Variants in KCNIP1 observed in about 807,000 individuals in gnomAD.
KCNIP1 encodes potassium voltage-gated channel interacting protein 1, also known as A-type potassium channel modulatory protein KCNIP1.
In KCNIP1, 18 loss-of-function variants were observed where a neutral mutation model predicts 33.0. The observed-to-expected ratio is 0.55, with a 90% CI of 0.38 to 0.81. The LOEUF (loss-of-function observed/expected upper bound fraction) is 0.81. Among genes scored for constraint, KCNIP1 ranks in the 30% least tolerant of loss-of-function variants. The pLI is 0.00. For synonymous variants in KCNIP1, 93 were observed against 98.3 expected, an observed-to-expected ratio of 0.95 and a Z score of 0.32; for missense variants, 238 against 271.6, an observed-to-expected ratio of 0.88 and a Z score of 0.87.
intron 1 of KCNIP1, among the ~76,000 whole-genome samples, chr5:170,664,744 A>G (rs911384182): frequency 6.6e-6 from 1 of 152,206 alleles, no homozygotes; most frequent in Admixed American, 6.5e-5. Flanking sequence ...AAAGACAAAC[A>G]AACAGTTAAA....
intron 1 of KCNIP1, chr5:170,678,947 C>T (rs1762236948): frequency 6.6e-6 from 1 of 152,184 alleles, no homozygotes; most frequent in Non-Finnish European, 1.5e-5. Flanking sequence ...GGAAGTCTTC[C>T]TGCTTCTAAT....
rs541094523 is a variant in KCNIP1, at chr5:170,641,802, T to G, written c.62-76956T>G. Among the ~76,000 whole-genome samples, 7 of 152,248 alleles carry G rather than the reference T, an allele frequency of 4.6e-5. No individual in the cohort carries two copies. The South Asian group carries it at 1.5e-3, about 32-fold the overall frequency. On this transcript the variant is annotated intron_variant, in intron 1 of 7. Transcript: ENST00000328939. ...CTTCAAAGAGCTGCTCCTGGCAGCT[T>G]CGAATGGCTGAGACCTACTGGCATG...
At chr5:170,637,264 C>T (rs924071857) in intron 1 of KCNIP1, among the ~76,000 whole-genome samples, 1 of 152,092 alleles carries the variant, frequency 6.6e-6, no homozygotes, top group Non-Finnish European at 1.5e-5. Flanking sequence ...TCCCCCTTCT[C>T]CTCAGACCCC....
At chr5:170,407,158 G>A (rs1268900505) in intron 1 of KCNIP1, among the ~76,000 whole-genome samples, 6 of 152,192 alleles carry the variant, frequency 3.9e-5, no homozygotes, top group Non-Finnish European at 7.3e-5. Context: ...TCCACACCAC[G>A]GACCAGCTAA....
chr5:170,462,754 GAT>G (rs370183547), intron 1 of KCNIP1, among the ~76,000 whole-genome samples: 4 of 150,200 alleles, frequency 2.7e-5, no homozygotes, highest in Non-Finnish European at 4.5e-5. Flanking sequence ...GCAACGAGTG[GAT>G]ATATATATAT....
chr5:170,640,361 A>G (rs1760493294), intron 1 of KCNIP1, among the ~76,000 whole-genome samples: 1 of 152,194 alleles, frequency 6.6e-6, no homozygotes, highest in Non-Finnish European at 1.5e-5. Context: ...CCCGTGCTAG[A>G]AAGACATCAG....
At chr5:170,380,769 C>T (rs979409503) in intron 1 of KCNIP1, among the ~76,000 whole-genome samples, 3 of 152,210 alleles carry the variant, frequency 2.0e-5, no homozygotes, top group Non-Finnish European at 2.9e-5. Context: ...CCTTGGCTAA[C>T]CTAGCTCCTT....
upstream of KCNIP1, among the ~76,000 whole-genome samples, chr5:170,500,138 C>T (rs563597024): frequency 6.6e-6 from 1 of 152,282 alleles, no homozygotes; most frequent in African/African-American, 2.4e-5. Context: ...CCTGTGTGCT[C>T]ACATGGTATC....
intron 1 of KCNIP1, among the ~76,000 whole-genome samples, chr5:170,673,796 G>T (rs78601570): frequency 0.017 from 2,549 of 152,158 alleles, 24 homozygotes; most frequent in Middle Eastern, 0.054. Context: ...CTATACCCTT[G>T]TCCAAGTTAC....
chr5:170,653,010 A>G (rs1313709114), intron 1 of KCNIP1, among the ~76,000 whole-genome samples: 1 of 151,896 alleles, frequency 6.6e-6, no homozygotes, highest in Non-Finnish European at 1.5e-5. Flanking sequence ...TTCACTCTTC[A>G]TTTTTCTTGT....
chr5:170,694,466 A>G (rs1468400025), intron 1 of KCNIP1, among the ~76,000 whole-genome samples: 1 of 152,142 alleles, frequency 6.6e-6, no homozygotes, highest in East Asian at 1.9e-4. Flanking sequence ...AGAGACTGAA[A>G]TGAGGAGATG....
chr5:170,527,238 A>G (rs966589698), intron 1 of KCNIP1, among the ~76,000 whole-genome samples: 10 of 152,168 alleles, frequency 6.6e-5, no homozygotes, highest in African/African-American at 2.4e-4. Flanking sequence ...GGTCTGACAC[A>G]TGGCAGAAGT....
chr5:170,363,055 G>A (rs7706818), intron 1 of KCNIP1, among the ~76,000 whole-genome samples: 4,094 of 152,276 alleles, frequency 0.027, 88 homozygotes, highest in African/African-American at 0.055. Flanking sequence ...AAGGGCCATC[G>A]CCATCCTCTG....
intron 1 of KCNIP1, among the ~76,000 whole-genome samples, chr5:170,641,412 T>C (rs1236073521): frequency 6.6e-6 from 1 of 152,242 alleles, no homozygotes; most frequent in Non-Finnish European, 1.5e-5. Context: ...GAGGCCATGC[T>C]GGTCCCAGGG....
intron 1 of KCNIP1, among the ~76,000 whole-genome samples, chr5:170,391,518 T>C (rs926494870): frequency 2.0e-5 from 3 of 152,164 alleles, no homozygotes; most frequent in African/African-American, 7.2e-5. Context: ...GTGTGACAGA[T>C]GGCTACAGGT....
At chr5:170,407,970 G>A (rs1200517559) in intron 1 of KCNIP1, among the ~76,000 whole-genome samples, 1 of 149,080 alleles carries the variant, frequency 6.7e-6, no homozygotes. Context: ...TCTGCTGTGT[G>A]ACTTAAGTCA....
intron 1 of KCNIP1, among the ~76,000 whole-genome samples, chr5:170,454,320 A>T (rs1208697413): frequency 6.6e-6 from 1 of 152,238 alleles, no homozygotes; most frequent in Non-Finnish European, 1.5e-5. Flanking sequence ...AGGAAGGGAC[A>T]AATTAAATTT....
At chr5:170,690,595 T>C (rs754783893) in intron 1 of KCNIP1, among the ~76,000 whole-genome samples, 4 of 152,246 alleles carry the variant, frequency 2.6e-5, no homozygotes, top group Admixed American at 6.5e-5. Flanking sequence ...TGATAATTTT[T>C]TCAAGTCCAA....
chr5:170,439,699 G>A (rs1755945307), intron 1 of KCNIP1, among the ~76,000 whole-genome samples: 2 of 152,234 alleles, frequency 1.3e-5, no homozygotes, highest in Non-Finnish European at 2.9e-5. Flanking sequence ...CGAGCTGCAG[G>A]AGCAGGCCTG....
Sources: allele counts gnomAD v4.1 joint callset (sites outside exome capture counted in the v4.1 genomes callset), GRCh38; gene constraint gnomAD v4.1.1; transcripts MANE v1.5; gene names NCBI Gene and HGNC (gene_info 2026-07-23, HGNC 2026-07-21).